The following TMEM14A variants were observed in gnomAD, a reference collection of about 807,000 sequenced individuals.
TMEM14A encodes the protein transmembrane protein 14A.
Under a neutral mutation model 11.6 loss-of-function variants are expected in TMEM14A, and 8 were observed. That is an observed-to-expected ratio of 0.69 (90% CI 0.40 to 1.24). The LOEUF (loss-of-function observed/expected upper bound fraction) is 1.24. Among genes scored for constraint, TMEM14A ranks in the 50% most tolerant of loss-of-function variants. The pLI is 0.01. For synonymous variants in TMEM14A, 34 were observed against 45.5 expected (o/e 0.75, Z 1.02); for missense variants, 108 against 121.9 (o/e 0.89, Z 0.54).
chr6:52,674,896 T>C (rs866663328), intron 1 of TMEM14A, among the ~76,000 whole-genome samples: 14,693 of 148,602 alleles, frequency 0.099, 975 homozygotes, highest in Non-Finnish European at 0.15. Flanking sequence ...CTTCTTTTTT[T>C]TTTTTTTTTT....
intron 3 of TMEM14A, 38 bp from the exon 4 acceptor site, chr6:52,684,040 G>A: frequency 6.3e-7 from 1 of 1,590,836 alleles, no homozygotes; most frequent in Non-Finnish European, 8.6e-7. Context: ...TTGATAACAT[G>A]TTTGAAACTC....
rs1165005135 is a variant in TMEM14A at position 52,680,601 on chromosome 6, A to ATGTG, written c.71-1211_71-1210insGTGT. Among the ~76,000 whole-genome samples the ATGTG allele has an allele frequency of 2.7e-3, 340 of 124,786 alleles. 2 individuals carry two copies. The highest frequency in any genetic ancestry group is 5.0e-3 in the Non-Finnish European group (287 of 57,472). The allele number at this position is 124,786 out of a possible 152,430, so 81.9% of individuals were successfully genotyped here. A position where few individuals can be genotyped will look rare whatever the true frequency, so the allele number is the denominator to read the frequency against. ...ACTATATATTTATATATTTATATATATATATATATATGTATATATATGTGT... is the reference window on the plus strand; with the variant it reads ...ACTATATATTTATATATTTATATATATGTGTATATATATATGTATATATATGTGT... On this transcript the variant is annotated intron_variant, in intron 2 of 4. Coordinates refer to ENST00000211314, the MANE Select transcript of TMEM14A (RefSeq NM_014051.4).
intron 3 of TMEM14A, among the ~76,000 whole-genome samples, chr6:52,682,228 A>G (rs964687121): frequency 2.0e-5 from 3 of 152,226 alleles, no homozygotes; most frequent in Non-Finnish European, 4.4e-5. Flanking sequence ...TAGTTTTTAC[A>G]TTGCTGTGGA....
rs371102796 is a variant in TMEM14A, at chr6:52,680,704, T to TATATATATATATATATAC, written c.71-1108_71-1107insTATATATATATATATACA. Among the ~76,000 whole-genome samples the TATATATATATATATATAC allele has an allele frequency of 5.1e-4, 26 of 51,104 alleles. 2 individuals carry two copies. Among genetic ancestry groups the TATATATATATATATATAC allele is most frequent in the African/African-American group, 1.4e-3 (25 of 17,492 alleles). 33.5% of individuals were successfully genotyped at this position (51,104 alleles called of 152,430 possible). On this transcript the variant is annotated intron_variant, in intron 2 of 4. Coordinates refer to ENST00000211314, the MANE Select transcript of TMEM14A (RefSeq NM_014051.4). Reference sequence around the variant, plus strand: ...ATATACATATATGTATATATATATATACACATATATATATGGCATGGATGA... The same window carrying TATATATATATATATATAC: ...ATATACATATATGTATATATATATATATATATATATATATATACACACATATATATATGGCATGGATGA...
Position 52,671,579 on chromosome 6 carries a change from C to G in TMEM14A, c.-17+334C>G, listed in dbSNP as rs1406919548. Among the ~76,000 whole-genome samples, 3 of 152,144 alleles carry G rather than the reference C, an allele frequency of 2.0e-5. No homozygotes were observed. In the East Asian group the frequency reaches 5.8e-4, roughly 29 times the overall value. On this transcript the variant is annotated intron_variant, in intron 1 of 4. Coordinates refer to ENST00000211314, the MANE Select transcript of TMEM14A (RefSeq NM_014051.4). ...TTTAACCTTCTCAGCACCACCCAGACCCCACTCGAAAATGTGCCTTTTGTG... is the reference window on the plus strand; with the variant it reads ...TTTAACCTTCTCAGCACCACCCAGAGCCCACTCGAAAATGTGCCTTTTGTG...
At chr6:52,676,201 T>G (rs1769255234) in intron 1 of TMEM14A, among the ~76,000 whole-genome samples, 1 of 152,024 alleles carries the variant, frequency 6.6e-6, no homozygotes, top group Non-Finnish European at 1.5e-5. Context: ...AGAGTGTGCT[T>G]AACAGTGATG....
intron 2 of TMEM14A, among the ~76,000 whole-genome samples, chr6:52,678,455 C>G (rs1451767332): frequency 6.6e-6 from 1 of 152,004 alleles, no homozygotes; most frequent in Non-Finnish European, 1.5e-5. Context: ...GCTGTGAGGT[C>G]TCTGATTTCA....
At chr6:52,671,516 G>A (rs1401436765) in intron 1 of TMEM14A, among the ~76,000 whole-genome samples, 1 of 151,960 alleles carries the variant, frequency 6.6e-6, no homozygotes, top group African/African-American at 2.4e-5. Flanking sequence ...GGGGTGGTGG[G>A]GTGGGCTCAT....
chr6:52,682,586 G>A (rs1769410485), intron 3 of TMEM14A, among the ~76,000 whole-genome samples: 1 of 71,540 alleles, frequency 1.4e-5, no homozygotes, highest in Non-Finnish European at 2.7e-5. Context: ...AGGAGAGTGA[G>A]AGATTTGGGG....
chr6:52,673,050 T>G (rs1769190899), intron 1 of TMEM14A, among the ~76,000 whole-genome samples: 1 of 152,204 alleles, frequency 6.6e-6, no homozygotes, highest in Non-Finnish European at 1.5e-5. Flanking sequence ...GAGAACATGC[T>G]TTCTTGTGCC....
rs1221646110 is a variant in TMEM14A at position 52,674,916 on chromosome 6, G to A, written c.-16-2171G>A. Reference sequence around the variant, plus strand: ...TTTTTTTTTTTTTTTTTTTTGAGACGCCCAGGCTGGAGTGCAGTGGCACGA... The same window carrying A: ...TTTTTTTTTTTTTTTTTTTTGAGACACCCAGGCTGGAGTGCAGTGGCACGA... On this transcript the variant is annotated intron_variant, in intron 1 of 4. Coordinates refer to ENST00000211314, the MANE Select transcript of TMEM14A (RefSeq NM_014051.4). 1.5e-4 allele frequency among the ~76,000 whole-genome samples: 20 copies of A among 137,222 alleles called. No homozygotes were observed. In the East Asian group the frequency reaches 4.0e-3, roughly 27 times the overall value. 90.0% of individuals were successfully genotyped at this position (137,222 alleles called of 152,430 possible). A position where few individuals can be genotyped will look rare whatever the true frequency, so the allele number is the denominator to read the frequency against.
At position 52,677,091 on chromosome 6, in the gene TMEM14A, G is replaced by T. The variant is rs1210103559; in HGVS notation, c.-12G>T. 2 of 1,613,926 alleles carry T rather than the reference G, an allele frequency of 1.2e-6. No homozygotes were observed. Among genetic ancestry groups the T allele is most frequent in the African/African-American group, 1.3e-5 (1 of 74,902 alleles). On this transcript the variant is annotated 5_prime_UTR_variant, in exon 2 of 5. Transcript: ENST00000211314. ...GTCCTTTCCCCCTTGCTTTAGAATT[G>T]CAACCTTGCCAATGGACCTGATCGG...
At chr6:52,673,868 C>T (rs1422131207) in intron 1 of TMEM14A, among the ~76,000 whole-genome samples, 1 of 152,172 alleles carries the variant, frequency 6.6e-6, no homozygotes, top group Non-Finnish European at 1.5e-5. Context: ...CAAATTCACC[C>T]TACCTCAGTT....
At chr6:52,673,300 C>A (rs994266886) in intron 1 of TMEM14A, among the ~76,000 whole-genome samples, 2 of 152,152 alleles carry the variant, frequency 1.3e-5, no homozygotes, top group Admixed American at 6.5e-5. Context: ...GCCCCTGCCC[C>A]ACCTGTCCCA....
chr6:52,682,334 G>C (rs1229732764), intron 3 of TMEM14A, among the ~76,000 whole-genome samples: 1 of 152,162 alleles, frequency 6.6e-6, no homozygotes, highest in Admixed American at 6.5e-5. Context: ...AAAAAAGCAA[G>C]GCTGACGCTT....
At chr6:52,675,968 G>A (rs1276415615) in intron 1 of TMEM14A, among the ~76,000 whole-genome samples, 4 of 152,224 alleles carry the variant, frequency 2.6e-5, no homozygotes, top group Non-Finnish European at 5.9e-5. Flanking sequence ...AAGGTTTAAA[G>A]GGAGGTGGCA....
intron 4 of TMEM14A, 75 bp from the exon 5 acceptor site, chr6:52,685,935 C>G (rs77777271): frequency 1.4e-6 from 2 of 1,430,982 alleles, no homozygotes; most frequent in African/African-American, 2.8e-5. Flanking sequence ...ACTGGGTAGG[C>G]GAGTGCATGG....
intron 3 of TMEM14A, among the ~76,000 whole-genome samples, chr6:52,683,489 A>C (rs558497163): frequency 6.9e-4 from 71 of 102,330 alleles, no homozygotes; most frequent in East Asian, 5.3e-3. Flanking sequence ...ACAACAAAAA[A>C]AAAAAAAAGA....
At position 52,686,312 on chromosome 6, in the gene TMEM14A, A is replaced by G. The variant is rs934343351; in HGVS notation, c.*263A>G. 5.0e-6 allele frequency: 2 copies of G among 397,854 alleles called. No homozygotes were observed. Among genetic ancestry groups the G allele is most frequent in the East Asian group, 3.6e-5 (1 of 27,920 alleles). 24.6% of individuals were successfully genotyped at this position (397,854 alleles called of 1,614,324 possible). On this transcript the variant is annotated 3_prime_UTR_variant, in exon 5 of 5. Coordinates refer to ENST00000211314, the MANE Select transcript of TMEM14A (RefSeq NM_014051.4). ...TCCATTTGTTGTGTCTATTTTTTAT[A>G]TATTTGGTATTTTTTGAAAATTCCA...
Sources: gnomAD v4.1 joint callset for allele counts (sites outside exome capture counted in the v4.1 genomes callset) on GRCh38, gnomAD v4.1.1 for gene constraint, MANE v1.5 for transcripts, NCBI Gene and HGNC (gene_info 2026-07-23, HGNC 2026-07-21) for gene names.